The following TGM3 variants were observed in gnomAD, a reference collection of about 807,000 sequenced individuals.
The protein encoded by TGM3 is transglutaminase 3.
A neutral mutation model predicts 73.8 loss-of-function variants in TGM3; 52 were observed. The ratio of observed to expected loss-of-function variants is 0.70; its 90% confidence interval spans 0.56 to 0.89. TGM3 has a LOEUF of 0.89. TGM3 is among the 40% of genes least tolerant of loss of function. The probability of loss-of-function intolerance (pLI) is 0.00; values close to 1 mark genes in which losing one functional copy is unlikely to be tolerated. For missense variants in TGM3, 928 were observed against 909.9 expected (o/e 1.02, Z -0.26); for synonymous variants, 372 against 354.9 (o/e 1.05, Z -0.54).
intron 9 of TGM3, among the ~76,000 whole-genome samples, chr20:2,331,129 C>T (rs569808422): frequency 1.2e-4 from 19 of 152,006 alleles, no homozygotes; most frequent in African/African-American, 3.4e-4. Context: ...GGTCTGCAGA[C>T]GTCAACATGG....
At chr20:2,322,464 C>T (rs1467665756) in intron 7 of TGM3, among the ~76,000 whole-genome samples, 2 of 152,146 alleles carry the variant, frequency 1.3e-5, no homozygotes, top group African/African-American at 4.8e-5. Flanking sequence ...CTCCCTATGT[C>T]ATTAAAAAAT....
Position 2,313,011 on chromosome 20 carries a change from G to A in TGM3, c.654G>A (p.Arg218=). 1.2e-6 allele frequency: 2 copies of A among 1,614,126 alleles called. No homozygotes were observed. Among genetic ancestry groups the A allele is most frequent in the African/African-American group, 1.3e-5 (1 of 75,014 alleles). The change falls in exon 5 of 13, where the codon CGG becomes CGA. Residue 218 remains arginine, a synonymous_variant. Coordinates refer to ENST00000381458, the MANE Select transcript of TGM3 (RefSeq NM_003245.4). The stretch of plus-strand genomic sequence containing the variant: ...GAAATGACCCCAAATACGTTGGCCG[G>A]GTGCTGAGTGCCATGGTGAGTAACA... ...ASRNDPKYVG[R]VLSAMINSND... is the part of the protein sequence containing the mutation.
intron 11 of TGM3, 142 bp from the exon 12 acceptor site, chr20:2,339,711 AC>A: frequency 9.2e-7 from 1 of 1,085,914 alleles, no homozygotes. Flanking sequence ...TGTGCCTGGC[AC>A]CTAGGAGGGC....
At position 2,309,853 on chromosome 20, in the gene TGM3, GC is replaced by G. The variant is rs1474225466; in HGVS notation, c.181+26del. On this transcript the variant is annotated intron_variant, in intron 2 of 12. Transcript: ENST00000381458. ...CAGGTACCTGCTCATTCCCCTCCTT[GC>G]CCAAACACACACATACTTGAGTAGC... The G allele has an allele frequency of 1.9e-6, 3 of 1,613,402 alleles. No homozygotes were observed. In the African/African-American group the frequency reaches 4.0e-5, roughly 22 times the overall value.
intron 8 of TGM3, among the ~76,000 whole-genome samples, chr20:2,326,797 C>T (rs182916752): frequency 5.7e-4 from 87 of 151,866 alleles, no homozygotes; most frequent in African/African-American, 2.0e-3. Context: ...AGCCGTGAGC[C>T]GAGATCATGC....
In TGM3 at chr20:2,335,113, C is replaced by T; in HGVS notation, c.1643-3C>T. The T allele has an allele frequency of 6.2e-7, 1 of 1,614,174 alleles. No homozygotes were observed. Among genetic ancestry groups the T allele is most frequent in the Non-Finnish European group, 8.5e-7 (1 of 1,179,988 alleles). The stretch of plus-strand genomic sequence containing the variant: ...ACTCGGATCCCCTGGCTTCTCCTTC[C>T]AGAGGCAGAACATCCCATAAAGATC... On this transcript the variant is annotated splice_polypyrimidine_tract_variant and splice_region_variant and intron_variant, in intron 10 of 12. Transcript: ENST00000381458.
chr20:2,338,960 T>C (rs1461772440), intron 11 of TGM3, among the ~76,000 whole-genome samples: 1 of 152,246 alleles, frequency 6.6e-6, no homozygotes, highest in Non-Finnish European at 1.5e-5. Context: ...ACAGCTTTCA[T>C]CTTTTGGTCT....
At chr20:2,323,867 T>C (rs1297136662) in intron 7 of TGM3, among the ~76,000 whole-genome samples, 1 of 152,284 alleles carries the variant, frequency 6.6e-6, no homozygotes, top group African/African-American at 2.4e-5. Flanking sequence ...TTGTATTTCT[T>C]ATAAAAATTG....
intron 5 of TGM3, among the ~76,000 whole-genome samples, chr20:2,313,490 G>C (rs1280085770): frequency 6.6e-6 from 1 of 152,132 alleles, no homozygotes; most frequent in Non-Finnish European, 1.5e-5. Context: ...CAGATGGTAG[G>C]CTGCCTCATT....
rs772786292 is a variant in TGM3, at chr20:2,335,244, A to T, written c.1771A>T (p.Ile591Phe). The change falls in exon 11 of 13, where the codon ATC becomes TTC. Residue 591 changes from isoleucine to phenylalanine, a missense_variant. Ile to Phe is a conservative substitution (Grantham distance 21). Transcript: ENST00000381458. ...ESEVVVERDI[I>F]LDNPTLTLEV... ...TGAGGTGGTGGTGGAGCGGGACATCATCCTGGACAACCCCACCTTGACCCT... is the reference window on the plus strand; with the variant it reads ...TGAGGTGGTGGTGGAGCGGGACATCTTCCTGGACAACCCCACCTTGACCCT... 22 of 1,614,120 alleles carry T rather than the reference A, an allele frequency of 1.4e-5. No individual in the cohort carries two copies. Among genetic ancestry groups the T allele is most frequent in the Non-Finnish European group, 1.9e-5 (22 of 1,180,014 alleles).
intron 1 of TGM3, among the ~76,000 whole-genome samples, chr20:2,299,357 C>G (rs1026956897): frequency 2.6e-5 from 4 of 152,194 alleles, no homozygotes; most frequent in Non-Finnish European, 4.4e-5. Context: ...AAGTCCTCCC[C>G]ACTCCCGCTT....
chr20:2,338,038 T>C (rs772639911), intron 11 of TGM3, among the ~76,000 whole-genome samples: 1 of 151,972 alleles, frequency 6.6e-6, no homozygotes, highest in Non-Finnish European at 1.5e-5. Flanking sequence ...CTTGTCTCTA[T>C]TGAACGGATC....
In TGM3 at chr20:2,334,083, C is replaced by T. The variant is rs1016038469; in HGVS notation, c.1643-1033C>T. 1.3e-5 allele frequency among the ~76,000 whole-genome samples: 2 copies of T among 152,172 alleles called. No individual in the cohort carries two copies. The highest frequency in any genetic ancestry group is 4.1e-4 in the South Asian group (2 of 4,826). On this transcript the variant is annotated intron_variant, in intron 10 of 12. Coordinates refer to ENST00000381458, the MANE Select transcript of TGM3 (RefSeq NM_003245.4). The surrounding 1 kb of genome is among the most constrained non-coding windows in gnomAD (Gnocchi z 4.0). ...CCTGAGGGAAGGGAGCACCTAAGCC[C>T]ATCAGGGTAGGGAAAGGGCCCCGCG... is the stretch of plus-strand genomic sequence containing the variant.
chr20:2,318,615 C>T (rs2084247842), intron 7 of TGM3, among the ~76,000 whole-genome samples: 1 of 152,108 alleles, frequency 6.6e-6, no homozygotes, highest in South Asian at 2.1e-4. Context: ...ATATAAAGTA[C>T]CCATCTATCT....
rs1366953524 is a variant in TGM3, at chr20:2,311,002, A to G, written c.422-9A>G. On this transcript the variant is annotated splice_polypyrimidine_tract_variant and intron_variant, in intron 3 of 12. Coordinates refer to ENST00000381458, the MANE Select transcript of TGM3 (RefSeq NM_003245.4). ...CTAGTCGCTGGTGTCTGCTTTTTGT[A>G]TCAAATAGTGGATAGCGTCTTTATG... 1.9e-6 allele frequency: 3 copies of G among 1,611,090 alleles called. No individual in the cohort carries two copies. The highest frequency in any genetic ancestry group is 2.5e-6 in the Non-Finnish European group (3 of 1,177,366).
chr20:2,302,039 C>T (rs2084151184), intron 1 of TGM3, among the ~76,000 whole-genome samples: 1 of 152,160 alleles, frequency 6.6e-6, no homozygotes, highest in Non-Finnish European at 1.5e-5. Flanking sequence ...TAACTCTAGA[C>T]TTCTGTAAAA....
At chr20:2,305,597 A>G (rs1359211012) in intron 1 of TGM3, among the ~76,000 whole-genome samples, 2 of 152,204 alleles carry the variant, frequency 1.3e-5, no homozygotes, top group African/African-American at 4.8e-5. Context: ...TGATGACAAA[A>G]GTGAGCCCCA....
intron 7 of TGM3, among the ~76,000 whole-genome samples, chr20:2,319,218 G>T (rs2084250854): frequency 6.6e-6 from 1 of 152,200 alleles, no homozygotes; most frequent in Admixed American, 6.5e-5. Context: ...TCTACAAAAG[G>T]AGATGGTTGG....
chr20:2,336,505 G>A (rs906539599), intron 11 of TGM3, among the ~76,000 whole-genome samples: 9 of 151,066 alleles, frequency 6.0e-5, no homozygotes, highest in South Asian at 4.2e-4. Context: ...GCCCTGGCCC[G>A]CCCCTCCTTA....
Sources: allele counts gnomAD v4.1 joint callset (sites outside exome capture counted in the v4.1 genomes callset), GRCh38; gene constraint gnomAD v4.1.1; non-coding constraint Gnocchi (gnomAD v3.1); transcripts MANE v1.5; gene names NCBI Gene and HGNC (gene_info 2026-07-23, HGNC 2026-07-21).